SIPA1L2: variants seen among roughly 807,000 people sequenced by gnomAD.
The protein encoded by SIPA1L2 is signal induced proliferation associated 1 like 2.
SIPA1L2 carries 56 observed loss-of-function variants against 163.9 expected under a neutral mutation model. That is an observed-to-expected ratio of 0.34 (90% CI 0.28 to 0.43). The LOEUF (loss-of-function observed/expected upper bound fraction) is 0.43. Ranked by LOEUF, SIPA1L2 falls within the 20% of genes least tolerant of loss-of-function variation. The pLI is 1.00. For synonymous variants in SIPA1L2, 877 were observed against 865.7 expected (o/e 1.01, Z -0.23); for missense variants, 1,974 against 2,193.5 (o/e 0.90, Z 2.00).
chr1:232,436,424 T>C (rs759610094), intron 15 of SIPA1L2, among the ~76,000 whole-genome samples: 2 of 152,144 alleles, frequency 1.3e-5, no homozygotes, highest in Non-Finnish European at 2.9e-5. Context: ...CACGGAGCAC[T>C]TGGAGGCAGA....
intron 3 of SIPA1L2, among the ~76,000 whole-genome samples, chr1:232,512,313 G>A (rs568586616): frequency 1.2e-4 from 19 of 152,256 alleles, no homozygotes; most frequent in African/African-American, 4.3e-4. Flanking sequence ...ACAGTGTGGC[G>A]ATTCCTCAAG....
intron 19 of SIPA1L2, among the ~76,000 whole-genome samples, chr1:232,409,037 A>C (rs17178085): frequency 0.093 from 14,123 of 152,206 alleles, 913 homozygotes; most frequent in Non-Finnish European, 0.14. Flanking sequence ...TAACTCTTAT[A>C]TTCAGATTTC....
chr1:232,416,256 T>G (rs535250825), intron 18 of SIPA1L2, among the ~76,000 whole-genome samples: 3 of 152,344 alleles, frequency 2.0e-5, no homozygotes, highest in Admixed American at 6.5e-5. Context: ...TAATTTTTCC[T>G]GCTCTTAATG....
chr1:232,629,422 G>C (rs992785626), intron 1 of SIPA1L2, among the ~76,000 whole-genome samples: 2 of 152,208 alleles, frequency 1.3e-5, no homozygotes, highest in African/African-American at 4.8e-5. Context: ...CGCGCGCTCC[G>C]GGCGCACCCC....
At chr1:232,575,247 C>T (rs1660016513) in intron 1 of SIPA1L2, among the ~76,000 whole-genome samples, 1 of 152,036 alleles carries the variant, frequency 6.6e-6, no homozygotes, top group South Asian at 2.1e-4. Context: ...GCACTGCTTC[C>T]TAAAAAAGAC....
At chr1:232,501,014 G>A (rs962956252) in intron 3 of SIPA1L2, among the ~76,000 whole-genome samples, 1 of 148,216 alleles carries the variant, frequency 6.7e-6, no homozygotes, top group African/African-American at 2.5e-5. Context: ...ACTTGCTGAA[G>A]GCTCGGTGAT....
At chr1:232,486,181 G>T (rs557975302) in intron 5 of SIPA1L2, among the ~76,000 whole-genome samples, 2 of 152,140 alleles carry the variant, frequency 1.3e-5, no homozygotes, top group African/African-American at 4.8e-5. Flanking sequence ...TTTGGGAGCC[G>T]AGGGTGTGCA....
intron 6 of SIPA1L2, among the ~76,000 whole-genome samples, chr1:232,480,154 C>CGTGT (rs536840154): frequency 0.05 from 6,666 of 132,674 alleles, 172 homozygotes; most frequent in South Asian, 0.094. Flanking sequence ...TGTGTGTGTG[C>CGTGT]GTGTGTGTGT....
At chr1:232,452,365 G>C (rs1394887030) in intron 10 of SIPA1L2, among the ~76,000 whole-genome samples, 2 of 152,052 alleles carry the variant, frequency 1.3e-5, no homozygotes, top group African/African-American at 4.8e-5. Context: ...TCACTGCCAA[G>C]TACTGTAGTG....
chr1:232,506,501 G>A (rs1442450625), intron 3 of SIPA1L2, among the ~76,000 whole-genome samples: 1 of 152,100 alleles, frequency 6.6e-6, no homozygotes, highest in Non-Finnish European at 1.5e-5. Flanking sequence ...TAATTAAAAT[G>A]GATGGACACT....
At chr1:232,450,489 G>A (rs74936411) in intron 10 of SIPA1L2, among the ~76,000 whole-genome samples, 198 of 152,304 alleles carry the variant, frequency 1.3e-3, no homozygotes, top group East Asian at 9.8e-3. Context: ...TGCTCTAAGC[G>A]TCACTGGATG....
intron 2 of SIPA1L2, among the ~76,000 whole-genome samples, chr1:232,534,152 A>G (rs1224119952): frequency 6.6e-6 from 1 of 152,240 alleles, no homozygotes; most frequent in Non-Finnish European, 1.5e-5. Flanking sequence ...TTACAAATCT[A>G]CAGTAATCAA....
At chr1:232,500,287 C>CAA (rs1356754772) in intron 3 of SIPA1L2, among the ~76,000 whole-genome samples, 1 of 152,210 alleles carries the variant, frequency 6.6e-6, no homozygotes, top group Non-Finnish European at 1.5e-5. Flanking sequence ...GCCCATGAAT[C>CAA]AGAGTATTTC....
intron 2 of SIPA1L2, among the ~76,000 whole-genome samples, chr1:232,544,758 G>A (rs1177644425): frequency 2.0e-5 from 3 of 152,020 alleles, no homozygotes; most frequent in African/African-American, 2.4e-5. Flanking sequence ...GATACCTAAC[G>A]CACAACACAG....
At chr1:232,485,529 CA>C in intron 5 of SIPA1L2, among the ~76,000 whole-genome samples, 1 of 152,130 alleles carries the variant, frequency 6.6e-6, no homozygotes, top group South Asian at 2.1e-4. Flanking sequence ...CAATCATCTT[CA>C]AAAAAATATT....
chr1:232,424,349 AAG>A, intron 18 of SIPA1L2, among the ~76,000 whole-genome samples: 1 of 148,904 alleles, frequency 6.7e-6, no homozygotes, highest in African/African-American at 2.5e-5. Context: ...AAAAAAAAAA[AAG>A]GACATACATC....
intron 1 of SIPA1L2, among the ~76,000 whole-genome samples, chr1:232,608,057 A>AAAAAAAAAAAAAAAAAAAT (rs1662047038): frequency 6.7e-6 from 1 of 150,252 alleles, no homozygotes. Flanking sequence ...CAAAAAAAAA[A>AAAAAAAAAAAAAAAAAAAT]AAAAAAAAAA....
chr1:232,451,685 T>A (rs1663588605), intron 10 of SIPA1L2, among the ~76,000 whole-genome samples: 1 of 152,114 alleles, frequency 6.6e-6, no homozygotes, highest in African/African-American at 2.4e-5. Flanking sequence ...GAAACTGCAT[T>A]TCTAGCTTCT....
At chr1:232,528,470 T>A (rs183521250) in intron 2 of SIPA1L2, among the ~76,000 whole-genome samples, 3 of 152,326 alleles carry the variant, frequency 2.0e-5, no homozygotes, top group Non-Finnish European at 4.4e-5. Flanking sequence ...ACTGGCTTCA[T>A]CTGTTCAAAA....
Sources: gnomAD v4.1 joint callset for allele counts (sites outside exome capture counted in the v4.1 genomes callset) on GRCh38, gnomAD v4.1.1 for gene constraint, MANE v1.5 for transcripts, NCBI Gene and HGNC (gene_info 2026-07-23, HGNC 2026-07-21) for gene names.